SGCZ: variants seen among roughly 807,000 people sequenced by gnomAD.
The protein encoded by SGCZ is zeta-sarcoglycan.
A neutral mutation model predicts 41.3 loss-of-function variants in SGCZ; 40 were observed. That is an observed-to-expected ratio of 0.97 (90% CI 0.75 to 1.26). The LOEUF is 1.26. Ranked by LOEUF, SGCZ falls within the 50% of genes most tolerant of loss-of-function variation. The pLI, the probability that SGCZ is intolerant of heterozygous loss-of-function variation, is 0.00. For synonymous variants in SGCZ, 206 were observed against 137.5 expected, an observed-to-expected ratio of 1.50 and a Z score of -3.49; for missense variants, 552 against 369.8, an observed-to-expected ratio of 1.49 and a Z score of -4.04.
intron 5 of SGCZ, among the ~76,000 whole-genome samples, chr8:14,128,018 C>T (rs1008024517): frequency 7.9e-5 from 12 of 152,194 alleles, no homozygotes; most frequent in South Asian, 4.1e-4. Context: ...TGAGAATATA[C>T]GGTATTTGGT....
At chr8:14,272,284 G>A (rs913405924) in intron 3 of SGCZ, among the ~76,000 whole-genome samples, 60 of 152,200 alleles carry the variant, frequency 3.9e-4, no homozygotes, top group African/African-American at 1.0e-3. Context: ...GATTACAGGC[G>A]TAAGCCACTG....
intron 3 of SGCZ, among the ~76,000 whole-genome samples, chr8:14,286,469 C>T (rs572584586): frequency 6.6e-6 from 1 of 152,192 alleles, no homozygotes; most frequent in East Asian, 1.9e-4. Flanking sequence ...AAAACTCCAG[C>T]TGTTTGACAG....
intron 1 of SGCZ, among the ~76,000 whole-genome samples, chr8:14,830,227 A>T (rs1422458439): frequency 3.3e-5 from 5 of 151,974 alleles, no homozygotes; most frequent in Non-Finnish European, 7.4e-5. Flanking sequence ...TTAGAAGTAT[A>T]TTAGGATAAA....
intron 1 of SGCZ, among the ~76,000 whole-genome samples, chr8:15,113,248 G>C (rs1366256226): frequency 6.0e-5 from 9 of 151,104 alleles, no homozygotes; most frequent in Non-Finnish European, 4.4e-5. Context: ...GAATGCTCAA[G>C]AGCAATATAG....
intron 3 of SGCZ, among the ~76,000 whole-genome samples, chr8:14,318,402 A>G (rs949923499): frequency 6.6e-6 from 1 of 152,012 alleles, no homozygotes; most frequent in Admixed American, 6.6e-5. Context: ...AGTTTATGAT[A>G]TAAAACATAA....
intron 3 of SGCZ, among the ~76,000 whole-genome samples, chr8:14,255,810 A>T (rs1248000559): frequency 6.6e-6 from 1 of 152,076 alleles, no homozygotes; most frequent in African/African-American, 2.4e-5. Flanking sequence ...TTGGCATAAA[A>T]ATGTTACTTA....
intron 2 of SGCZ, among the ~76,000 whole-genome samples, chr8:14,375,178 G>A (rs185124841): frequency 2.6e-5 from 4 of 152,182 alleles, no homozygotes; most frequent in East Asian, 3.9e-4. Flanking sequence ...GATAAGAAGT[G>A]CAATGAAAAA....
intron 1 of SGCZ, among the ~76,000 whole-genome samples, chr8:14,895,257 A>C (rs1805153588): frequency 6.6e-6 from 1 of 152,102 alleles, no homozygotes; most frequent in Admixed American, 6.6e-5. Flanking sequence ...CTGCCATGTA[A>C]TCTTGGGTAC....
chr8:14,113,495 T>C (rs1037744664), intron 5 of SGCZ, among the ~76,000 whole-genome samples: 5 of 152,052 alleles, frequency 3.3e-5, no homozygotes, highest in African/African-American at 1.2e-4. Flanking sequence ...TGGGAGGTAA[T>C]TAATAAATAT....
At chr8:14,374,104 G>A (rs1033205621) in intron 2 of SGCZ, among the ~76,000 whole-genome samples, 2 of 152,210 alleles carry the variant, frequency 1.3e-5, no homozygotes, top group Non-Finnish European at 2.9e-5. Context: ...AAGCCTAGGT[G>A]CAATGGCTCA....
chr8:14,345,224 G>C (rs1802853462), intron 2 of SGCZ, among the ~76,000 whole-genome samples: 1 of 152,024 alleles, frequency 6.6e-6, no homozygotes, highest in Admixed American at 6.6e-5. Flanking sequence ...TAAACCACAA[G>C]TTTTCACTAC....
At chr8:14,862,677 GA>G (rs974097510) in intron 1 of SGCZ, among the ~76,000 whole-genome samples, 1 of 149,438 alleles carries the variant, frequency 6.7e-6, no homozygotes, top group Non-Finnish European at 1.5e-5. Context: ...AATATAAAAT[GA>G]CTGCTGCAGA....
chr8:14,264,835 C>A (rs777196638), intron 3 of SGCZ, among the ~76,000 whole-genome samples: 5 of 151,982 alleles, frequency 3.3e-5, no homozygotes, highest in Non-Finnish European at 7.4e-5. Context: ...TGGTGGCGGG[C>A]GCCTGTAGTC....
At chr8:15,108,151 CTTCT>C (rs1806902812) in intron 1 of SGCZ, among the ~76,000 whole-genome samples, 4 of 152,018 alleles carry the variant, frequency 2.6e-5, no homozygotes, top group African/African-American at 9.6e-5. Flanking sequence ...TAATTTATTC[CTTCT>C]GTTTTCCATG....
chr8:15,113,678 A>AAAAGTCATCTTCC (rs1277681590), intron 1 of SGCZ, among the ~76,000 whole-genome samples: 1 of 152,146 alleles, frequency 6.6e-6, no homozygotes, highest in Non-Finnish European at 1.5e-5. Context: ...CAGTCTGCCT[A>AAAAGTCATCTTCC]AAAGTCATCT....
chr8:14,652,066 T>A lies in SGCZ; in HGVS notation c.40-97140A>T, dbSNP rs1375725270. Among the ~76,000 whole-genome samples, 3 of 151,954 alleles carry A rather than the reference T, an allele frequency of 2.0e-5. No homozygotes were observed. In the East Asian group the frequency reaches 5.8e-4, roughly 29 times the overall value. ...TTTTCCATCTTTATCACGGAAAGAA[T>A]AACAAAACATGCTTTTCTGATCTCT... On this transcript the variant is annotated intron_variant, in intron 1 of 7. Coordinates refer to ENST00000382080, the MANE Select transcript of SGCZ (RefSeq NM_139167.4).
intron 3 of SGCZ, among the ~76,000 whole-genome samples, chr8:14,301,289 G>T (rs1268146135): frequency 2.6e-5 from 4 of 151,870 alleles, no homozygotes; most frequent in Non-Finnish European, 5.9e-5. Context: ...TCTTCTTCAT[G>T]GAGCTGATCC....
At chr8:14,273,762 T>C (rs1011171268) in intron 3 of SGCZ, among the ~76,000 whole-genome samples, 21 of 152,150 alleles carry the variant, frequency 1.4e-4, no homozygotes, top group Non-Finnish European at 2.1e-4. Context: ...GCAGCCTAGA[T>C]ACTAAGTGTA....
At chr8:14,962,766 A>C (rs189760113) in intron 1 of SGCZ, among the ~76,000 whole-genome samples, 4 of 152,190 alleles carry the variant, frequency 2.6e-5, no homozygotes, top group Non-Finnish European at 4.4e-5. Context: ...GCAACAAATG[A>C]TGTTTGCACT....
Sources: allele counts gnomAD v4.1 joint callset (sites outside exome capture counted in the v4.1 genomes callset), GRCh38; gene constraint gnomAD v4.1.1; transcripts MANE v1.5; gene names NCBI Gene and HGNC (gene_info 2026-07-23, HGNC 2026-07-21).